Variants in NTM observed in about 807,000 individuals in gnomAD.
The protein encoded by NTM is neurotrimin, also known as IgLON family member 2.
A neutral mutation model predicts 42.1 loss-of-function variants in NTM; 13 were observed. That is an observed-to-expected ratio of 0.31 (90% confidence interval 0.20 to 0.49). The LOEUF (loss-of-function observed/expected upper bound fraction) is 0.49. Among genes scored for constraint, NTM ranks in the 20% least tolerant of loss-of-function variants. The pLI is 0.99. For missense variants in NTM, 373 were observed against 452.8 expected (o/e 0.82, Z 1.60); for synonymous variants, 187 against 179.2 (o/e 1.04, Z -0.35).
intron 4 of NTM, among the ~76,000 whole-genome samples, chr11:132,228,709 C>T (rs962934664): frequency 6.6e-6 from 1 of 152,204 alleles, no homozygotes. Context: ...TTCCAGCTGC[C>T]CACACTGACC....
chr11:132,255,025 C>T (rs1262773299), intron 4 of NTM, among the ~76,000 whole-genome samples: 2 of 152,230 alleles, frequency 1.3e-5, no homozygotes, highest in Non-Finnish European at 2.9e-5. Flanking sequence ...TTGGGAAGCA[C>T]AGCCCTAGCC....
At chr11:132,299,024 G>A (rs2094733203) in intron 4 of NTM, among the ~76,000 whole-genome samples, 2 of 152,110 alleles carry the variant, frequency 1.3e-5, no homozygotes, top group African/African-American at 2.4e-5. Context: ...GGCCAGGTGC[G>A]GTGGCTCACG....
chr11:131,457,527 G>T (rs563311067), intron 1 of NTM, among the ~76,000 whole-genome samples: 4 of 152,246 alleles, frequency 2.6e-5, no homozygotes, highest in East Asian at 3.9e-4. Flanking sequence ...TCCATTTGCC[G>T]AAAGGAAGAT....
At chr11:132,175,906 C>T (rs1253260019) in intron 3 of NTM, among the ~76,000 whole-genome samples, 2 of 152,158 alleles carry the variant, frequency 1.3e-5, no homozygotes, top group African/African-American at 4.8e-5. Context: ...ATGGCTGCAA[C>T]ATTCTTTACA....
intron 7 of NTM, among the ~76,000 whole-genome samples, chr11:132,320,797 C>G (rs1278133849): frequency 6.6e-6 from 1 of 151,672 alleles, no homozygotes; most frequent in Non-Finnish European, 1.5e-5. Flanking sequence ...TTGAAGAGAG[C>G]AGTGGTTCTC....
At chr11:132,076,485 C>A (rs543864991) in intron 2 of NTM, among the ~76,000 whole-genome samples, 8 of 152,294 alleles carry the variant, frequency 5.3e-5, no homozygotes, top group Admixed American at 5.2e-4. Flanking sequence ...ACAAGCTGGG[C>A]AAGTTTCCTG....
intron 1 of NTM, among the ~76,000 whole-genome samples, chr11:131,526,810 A>G (rs11823658): frequency 0.024 from 3,587 of 152,314 alleles, 143 homozygotes; most frequent in African/African-American, 0.079. Flanking sequence ...GCTGGAGCAG[A>G]GGGAAAAGTT....
intron 2 of NTM, among the ~76,000 whole-genome samples, chr11:132,094,403 C>A (rs2060718035): frequency 1.3e-5 from 2 of 152,144 alleles, no homozygotes; most frequent in South Asian, 4.1e-4. Context: ...TCAGATACCC[C>A]TCAGGGAGCA....
At position 131,681,145 on chromosome 11, in the gene NTM, CCCTGTGTGTGTGAG is replaced by C. The variant is rs1181437070; in HGVS notation, c.83-230417_83-230404del. On this transcript the variant is annotated intron_variant, in intron 1 of 8. Coordinates refer to ENST00000683400, the MANE Select transcript of NTM (RefSeq NM_001352005.2). ...TGTGTGTTTCTGTGTATGTATGTTT[CCCTGTGTGTGTGAG>C]CATGTGTGTTTCTGTGTCTGTATGT... Among the ~76,000 whole-genome samples, 3 of 44,340 alleles carry C rather than the reference CCCTGTGTGTGTGAG, an allele frequency of 6.8e-5. 1 individual carries two copies. In the East Asian group the frequency reaches 3.2e-3, roughly 47 times the overall value. The allele number at this position is 44,340 out of a possible 152,430, so 29.1% of individuals were successfully genotyped here. A position where few individuals can be genotyped will look rare whatever the true frequency, so the allele number is the denominator to read the frequency against.
intron 2 of NTM, among the ~76,000 whole-genome samples, chr11:132,091,221 C>G (rs1252856732): frequency 2.0e-5 from 3 of 151,972 alleles, no homozygotes; most frequent in Non-Finnish European, 1.5e-5. Flanking sequence ...AAAACCCTGT[C>G]CCTACTAAAA....
intron 2 of NTM, among the ~76,000 whole-genome samples, chr11:132,017,039 C>T (rs890597780): frequency 6.6e-6 from 1 of 151,958 alleles, no homozygotes; most frequent in Non-Finnish European, 1.5e-5. Context: ...GGACACAAAT[C>T]CTTTATTAGC....
chr11:132,018,346 A>G (rs1332322515), intron 2 of NTM, among the ~76,000 whole-genome samples: 2 of 151,986 alleles, frequency 1.3e-5, no homozygotes, highest in African/African-American at 4.8e-5. Flanking sequence ...TCATTGTTGT[A>G]TGATGTTACT....
chr11:131,885,468 A>G (rs1324828862), intron 1 of NTM, among the ~76,000 whole-genome samples: 1 of 152,004 alleles, frequency 6.6e-6, no homozygotes, highest in Non-Finnish European at 1.5e-5. Flanking sequence ...TATCTGATGG[A>G]GCAACGTCTT....
intron 2 of NTM, among the ~76,000 whole-genome samples, chr11:132,078,006 A>G (rs2058581330): frequency 6.6e-6 from 1 of 152,236 alleles, no homozygotes; most frequent in African/African-American, 2.4e-5. Flanking sequence ...CAAACACTTG[A>G]AAAATAGAAA....
At chr11:131,520,032 G>A (rs1394172355) in intron 1 of NTM, among the ~76,000 whole-genome samples, 2 of 151,996 alleles carry the variant, frequency 1.3e-5, no homozygotes, top group East Asian at 3.9e-4. Context: ...GTCTTCATAG[G>A]AGGCTGCACC....
At chr11:131,883,999 G>T (rs906134899) in intron 1 of NTM, among the ~76,000 whole-genome samples, 1 of 152,180 alleles carries the variant, frequency 6.6e-6, no homozygotes, top group Non-Finnish European at 1.5e-5. Flanking sequence ...AATAGTTACT[G>T]AATCCTTAAT....
chr11:131,637,582 C>A (rs904006577), intron 1 of NTM, among the ~76,000 whole-genome samples: 1 of 151,310 alleles, frequency 6.6e-6, no homozygotes, highest in Non-Finnish European at 1.5e-5. Context: ...TGGCCTACCC[C>A]CAAGGCTGAT....
Position 131,572,920 on chromosome 11 carries a change from G to A in NTM, c.82+202032G>A, listed in dbSNP as rs112874452. Among the ~76,000 whole-genome samples the A allele has an allele frequency of 1.7e-4, 26 of 152,278 alleles. No homozygotes were observed. In the Middle Eastern group the frequency reaches 0.01, roughly 60 times the overall value. On this transcript the variant is annotated intron_variant, in intron 1 of 8. Transcript: ENST00000683400. ...TTCAGCAACCTGGTGAGGAGAGCTC[G>A]GACCATGTCGCCGTCACCTCTTGTC...
chr11:131,450,889 T>A (rs1372169650), intron 1 of NTM, among the ~76,000 whole-genome samples: 2 of 152,126 alleles, frequency 1.3e-5, no homozygotes, highest in Admixed American at 1.3e-4. Flanking sequence ...GCCACAGAAA[T>A]GTTTGTTGAA....
Sources: allele counts gnomAD v4.1 joint callset (sites outside exome capture counted in the v4.1 genomes callset), GRCh38; gene constraint gnomAD v4.1.1; transcripts MANE v1.5; gene names NCBI Gene and HGNC (gene_info 2026-07-23, HGNC 2026-07-21).